The following MAP3K21 variants were observed in gnomAD, a reference collection of about 807,000 sequenced individuals.
The protein encoded by MAP3K21 is mitogen-activated protein kinase kinase kinase 21, also known as mitogen-activated protein kinase kinase kinase MLK4.
Under a neutral mutation model 86.1 loss-of-function variants are expected in MAP3K21, and 63 were observed. That is an observed-to-expected ratio of 0.73 (90% confidence interval 0.60 to 0.90). The LOEUF is 0.90. MAP3K21 is among the 40% of genes least tolerant of loss of function. The pLI is 0.00. For missense variants in MAP3K21, 1,220 were observed against 1,367.7 expected (o/e 0.89, Z 1.70); for synonymous variants, 558 against 564.8 (o/e 0.99, Z 0.17).
chr1:233,356,550 G>A (rs765413974), intron 4 of MAP3K21, among the ~76,000 whole-genome samples: 53 of 152,022 alleles, frequency 3.5e-4, no homozygotes, highest in Non-Finnish European at 5.6e-4. Flanking sequence ...TGAATCTTAC[G>A]CTGTAATAGA....
At chr1:233,354,080 T>A in intron 3 of MAP3K21, 125 bp downstream of exon 3, 1 of 1,155,036 alleles carries the variant, frequency 8.7e-7, no homozygotes, top group Non-Finnish European at 1.1e-6. Context: ...GTAACCCTAG[T>A]ATTTTAAGAA....
At chr1:233,363,409 G>C (rs558168311) in intron 5 of MAP3K21, among the ~76,000 whole-genome samples, 1 of 152,314 alleles carries the variant, frequency 6.6e-6, no homozygotes, top group Admixed American at 6.5e-5. Flanking sequence ...AAAATTGCTA[G>C]TATGACATCT....
chr1:233,368,637 C>G (rs1663625410), intron 5 of MAP3K21, among the ~76,000 whole-genome samples: 1 of 150,082 alleles, frequency 6.7e-6, no homozygotes, highest in Non-Finnish European at 1.5e-5. Context: ...GCCTGGATAA[C>G]AGAGTAAAAT....
chr1:233,357,404 T>TA (rs898133772), intron 4 of MAP3K21, among the ~76,000 whole-genome samples: 68 of 140,330 alleles, frequency 4.8e-4, no homozygotes, highest in African/African-American at 1.4e-3. Context: ...AAAGTATAAT[T>TA]AAAAAAAAAA....
At chr1:233,369,359 C>T (rs1455276833) in intron 5 of MAP3K21, among the ~76,000 whole-genome samples, 1 of 152,012 alleles carries the variant, frequency 6.6e-6, no homozygotes, top group Non-Finnish European at 1.5e-5. Flanking sequence ...CATTGCATTC[C>T]AGCCTGGGTG....
At chr1:233,357,246 G>A (rs924592219) in intron 4 of MAP3K21, among the ~76,000 whole-genome samples, 6 of 152,124 alleles carry the variant, frequency 3.9e-5, no homozygotes, top group Non-Finnish European at 5.9e-5. Context: ...ACACACCAGG[G>A]TGTGTCATGG....
At position 233,342,915 on chromosome 1, in the gene MAP3K21, G is replaced by A. The variant is rs186798413; in HGVS notation, c.806-3527G>A. Among the ~76,000 whole-genome samples, 198 of 152,086 alleles carry A rather than the reference G, an allele frequency of 1.3e-3. 1 individual carries two copies. The highest frequency in any genetic ancestry group is 4.0e-3 in the African/African-American group (164 of 41,476). On this transcript the variant is annotated intron_variant, in intron 1 of 9. Coordinates refer to ENST00000366624, the MANE Select transcript of MAP3K21 (RefSeq NM_032435.3). ...CATGGACATATAGCCATCCTAAATC[G>A]GATTCTTCATATCTATAATGGAAAT...
intron 1 of MAP3K21, among the ~76,000 whole-genome samples, chr1:233,337,023 T>C (rs1662930771): frequency 6.6e-6 from 1 of 152,196 alleles, no homozygotes. Flanking sequence ...AATGGTGTTA[T>C]TTGTGGTAGT....
In MAP3K21 at chr1:233,362,290, T is replaced by C. The variant is rs781715159; in HGVS notation, c.1549T>C (p.Ser517Pro). 3 of 1,613,314 alleles carry C rather than the reference T, an allele frequency of 1.9e-6. No homozygotes were observed. The highest frequency in any genetic ancestry group is 2.5e-6 in the Non-Finnish European group (3 of 1,179,510). ...LKDGHRISLP[S>P]DFQHKITVQA... ...AGATGGACATCGAATCAGTTTACCT[T>C]CAGGTATGATCTTGTTTTTATGTTT... The change falls in exon 5 of 10, where the codon TCA (serine) becomes CCA (proline). Residue 517 changes from serine (S) to proline (P), a missense_variant. This residue lies in a region of MAP3K21 where 632 missense variants were observed against 691.3 expected (regional missense o/e 0.91). Transcript: ENST00000366624.
chr1:233,344,604 G>A (rs1292375372), intron 1 of MAP3K21, among the ~76,000 whole-genome samples: 3 of 152,120 alleles, frequency 2.0e-5, no homozygotes, highest in Admixed American at 2.0e-4. Context: ...AGACTTAAAT[G>A]TTAGACCTAA....
At chr1:233,371,166 G>A (rs1352893411) in intron 5 of MAP3K21, among the ~76,000 whole-genome samples, 1 of 152,152 alleles carries the variant, frequency 6.6e-6, no homozygotes, top group Non-Finnish European at 1.5e-5. Flanking sequence ...AATGCCTAGA[G>A]CACAAAATGC....
chr1:233,372,453 A>G, intron 6 of MAP3K21: 1 of 390,942 alleles, frequency 2.6e-6, no homozygotes, highest in African/African-American at 2.0e-5. Flanking sequence ...CTTGCACGCA[A>G]CGTTAGCATA....
intron 1 of MAP3K21, among the ~76,000 whole-genome samples, chr1:233,339,268 C>T (rs1294278): frequency 0.28 from 5,297 of 18,856 alleles, 1,116 homozygotes; most frequent in East Asian, 0.56. Flanking sequence ...CTTCTTCTTC[C>T]TCTTCTTCTT....
chr1:233,344,090 A>G (rs1663087897), intron 1 of MAP3K21, among the ~76,000 whole-genome samples: 1 of 152,170 alleles, frequency 6.6e-6, no homozygotes, highest in Non-Finnish European at 1.5e-5. Flanking sequence ...AGGAGGGTGC[A>G]GGTGAGGAGT....
At chr1:233,367,657 C>G (rs1456071839) in intron 5 of MAP3K21, among the ~76,000 whole-genome samples, 1 of 152,004 alleles carries the variant, frequency 6.6e-6, no homozygotes, top group African/African-American at 2.4e-5. Flanking sequence ...GTCAGGAATT[C>G]GAGACCAGCC....
At chr1:233,339,831 G>C (rs574550208) in intron 1 of MAP3K21, among the ~76,000 whole-genome samples, 2 of 137,612 alleles carry the variant, frequency 1.5e-5, no homozygotes, top group Non-Finnish European at 3.1e-5. Context: ...TTTTTAGGAG[G>C]GTAGAGGTGA....
chr1:233,367,744 C>T (rs938255043), intron 5 of MAP3K21, among the ~76,000 whole-genome samples: 1 of 151,688 alleles, frequency 6.6e-6, no homozygotes, highest in African/African-American at 2.4e-5. Flanking sequence ...CCTGTAATCC[C>T]AGCTACTCAG....
intron 1 of MAP3K21, among the ~76,000 whole-genome samples, chr1:233,336,647 A>G (rs1034932136): frequency 6.6e-6 from 1 of 152,236 alleles, no homozygotes; most frequent in African/African-American, 2.4e-5. Context: ...TTCTACCATT[A>G]ACATTTCACT....
Position 233,360,858 on chromosome 1 carries a change from GT to G in MAP3K21, c.1312-1192del, listed in dbSNP as rs140967809. ...GGTGGGCCTATTTAAAGTGTGGCCT[GT>G]TTATATAAAGTAGGAAATGTTTGCA... On this transcript the variant is annotated intron_variant, in intron 4 of 9. Transcript: ENST00000366624. 8.6e-3 allele frequency among the ~76,000 whole-genome samples: 1,302 copies of G among 152,266 alleles called. 12 individuals carry two copies. Among genetic ancestry groups the G allele is most frequent in the African/African-American group, 0.03 (1,228 of 41,546 alleles).
Sources: allele counts gnomAD v4.1 joint callset (sites outside exome capture counted in the v4.1 genomes callset), GRCh38; gene constraint gnomAD v4.1.1; regional missense constraint gnomAD v4.1.1; transcripts MANE v1.5; gene names NCBI Gene and HGNC (gene_info 2026-07-23, HGNC 2026-07-21).